The following NLGN1 variants were observed in gnomAD, a reference collection of about 807,000 sequenced individuals.
The protein encoded by NLGN1 is neuroligin-1.
NLGN1 carries 12 observed loss-of-function variants against 65.5 expected under a neutral mutation model. That is an observed-to-expected ratio of 0.18 (90% confidence interval 0.12 to 0.30). The LOEUF is 0.30. NLGN1 is among the 10% of genes least tolerant of loss of function. The pLI is 1.00. For missense variants in NLGN1, 750 were observed against 1,007.1 expected, an observed-to-expected ratio of 0.74 and a Z score of 3.46; for synonymous variants, 350 against 359.5, an observed-to-expected ratio of 0.97 and a Z score of 0.30.
chr3:173,418,311 CTGT>C (rs1292940690), intron 1 of NLGN1, among the ~76,000 whole-genome samples: 1 of 148,870 alleles, frequency 6.7e-6, no homozygotes, highest in Non-Finnish European at 1.5e-5. Context: ...TTTCTTTTTT[CTGT>C]TAACTATGAA....
intron 2 of NLGN1, among the ~76,000 whole-genome samples, chr3:173,568,395 G>GT (rs1171060135): frequency 1.3e-5 from 2 of 151,766 alleles, no homozygotes; most frequent in Non-Finnish European, 2.9e-5. Flanking sequence ...CACCAGGCCT[G>GT]GCTAATTTTT....
chr3:174,227,506 A>G (rs1035359175), intron 4 of NLGN1, among the ~76,000 whole-genome samples: 8 of 152,108 alleles, frequency 5.3e-5, no homozygotes, highest in Non-Finnish European at 2.9e-5. Flanking sequence ...CCAAATAGCC[A>G]TGTCACTTAG....
At chr3:173,887,931 A>G (rs2150961118) in intron 4 of NLGN1, among the ~76,000 whole-genome samples, 1 of 152,158 alleles carries the variant, frequency 6.6e-6, no homozygotes, top group Admixed American at 6.6e-5. Flanking sequence ...TTCAAGAAAT[A>G]AAATTATAAA....
At chr3:174,011,268 T>C (rs1579749599) in intron 4 of NLGN1, among the ~76,000 whole-genome samples, 1 of 152,160 alleles carries the variant, frequency 6.6e-6, no homozygotes, top group East Asian at 1.9e-4. Flanking sequence ...ATTGGAGTAA[T>C]AAATTGGCTT....
rs1726383335 is a variant in NLGN1, at chr3:174,160,940, C to G, written c.647-114375C>G. ...CCTCCTGCCCTCAACCCCTCTACTACTCTGCCCAGCCTCTGATAACCATCC... is the reference window on the plus strand; with the variant it reads ...CCTCCTGCCCTCAACCCCTCTACTAGTCTGCCCAGCCTCTGATAACCATCC... On this transcript the variant is annotated intron_variant, in intron 4 of 6. Coordinates refer to ENST00000457714, the Ensembl canonical transcript of NLGN1. Among the ~76,000 whole-genome samples the G allele has an allele frequency of 2.0e-5, 3 of 151,664 alleles. No homozygotes were observed. The South Asian group carries it at 6.2e-4, about 31-fold the overall frequency.
intron 4 of NLGN1, among the ~76,000 whole-genome samples, chr3:174,015,233 C>T (rs188585344): frequency 4.6e-5 from 7 of 152,228 alleles, no homozygotes; most frequent in East Asian, 1.9e-4. Flanking sequence ...GTGCTATGTT[C>T]CTTGGTCAGT....
chr3:174,124,656 T>C (rs1488160407), intron 4 of NLGN1, among the ~76,000 whole-genome samples: 1 of 147,752 alleles, frequency 6.8e-6, no homozygotes, highest in Non-Finnish European at 1.5e-5. Flanking sequence ...TACATACTTA[T>C]ATATATGTAT....
chr3:173,633,221 T>C (rs1273123896), intron 3 of NLGN1, among the ~76,000 whole-genome samples: 1 of 152,158 alleles, frequency 6.6e-6, no homozygotes, highest in South Asian at 2.1e-4. Flanking sequence ...TATTTCACCA[T>C]CTTTCTGAAC....
chr3:173,729,989 T>C (rs1560252342), intron 3 of NLGN1, among the ~76,000 whole-genome samples: 1 of 152,044 alleles, frequency 6.6e-6, no homozygotes, highest in Non-Finnish European at 1.5e-5. Flanking sequence ...TTTTGCCCTC[T>C]ATCTCTGACT....
At chr3:173,733,686 A>G (rs1354227176) in intron 3 of NLGN1, among the ~76,000 whole-genome samples, 1 of 151,984 alleles carries the variant, frequency 6.6e-6, no homozygotes. Context: ...CTGTATATAA[A>G]CCATTTTTGC....
At chr3:173,665,369 G>A (rs1004409390) in intron 3 of NLGN1, among the ~76,000 whole-genome samples, 3 of 152,016 alleles carry the variant, frequency 2.0e-5, no homozygotes, top group African/African-American at 7.2e-5. Context: ...GTTTCCTGAG[G>A]CCTCCCAGCC....
intron 2 of NLGN1, among the ~76,000 whole-genome samples, chr3:173,496,344 T>C (rs1483971592): frequency 2.6e-5 from 4 of 151,864 alleles, no homozygotes; most frequent in Non-Finnish European, 5.9e-5. Context: ...GAAGGTTAGA[T>C]TACTAAATAT....
chr3:173,793,446 A>G (rs1374153036), intron 3 of NLGN1, among the ~76,000 whole-genome samples: 2 of 152,126 alleles, frequency 1.3e-5, no homozygotes, highest in Non-Finnish European at 2.9e-5. Flanking sequence ...TGGGCTTTGA[A>G]GGTGGAGATG....
intron 4 of NLGN1, among the ~76,000 whole-genome samples, chr3:174,131,637 A>G (rs1267079930): frequency 6.6e-6 from 1 of 152,230 alleles, no homozygotes; most frequent in Admixed American, 6.5e-5. Flanking sequence ...GTGTGATTAT[A>G]TATGTCTGTT....
intron 3 of NLGN1, among the ~76,000 whole-genome samples, chr3:173,657,530 G>T (rs1760246408): frequency 6.6e-6 from 1 of 151,810 alleles, no homozygotes. Context: ...AAGGGGCACT[G>T]GGCAGTGGGG....
At chr3:174,242,646 T>C (rs961879) in intron 4 of NLGN1, among the ~76,000 whole-genome samples, 51,025 of 151,742 alleles carry the variant, frequency 0.34, 9,238 homozygotes, top group East Asian at 0.58. Context: ...CTCCCATCTC[T>C]GCCAGATAGA....
At chr3:173,521,914 C>T (rs979055447) in intron 2 of NLGN1, among the ~76,000 whole-genome samples, 2 of 152,150 alleles carry the variant, frequency 1.3e-5, no homozygotes, top group Non-Finnish European at 2.9e-5. Context: ...TTTTTCAATA[C>T]ATTCTATGCA....
chr3:174,049,719 C>T (rs1209452858), intron 4 of NLGN1, among the ~76,000 whole-genome samples: 1 of 152,004 alleles, frequency 6.6e-6, no homozygotes, highest in African/African-American at 2.4e-5. Flanking sequence ...TGCTTTAATT[C>T]TTTGGAACTG....
At chr3:173,437,316 T>G (rs1343270132) in intron 2 of NLGN1, among the ~76,000 whole-genome samples, 1 of 152,206 alleles carries the variant, frequency 6.6e-6, no homozygotes, top group Non-Finnish European at 1.5e-5. Flanking sequence ...CCATAACTAC[T>G]GCTTTCTGAG....
Sources: allele counts gnomAD v4.1 joint callset (sites outside exome capture counted in the v4.1 genomes callset), GRCh38; gene constraint gnomAD v4.1.1; transcripts MANE v1.5; gene names NCBI Gene and HGNC (gene_info 2026-07-23, HGNC 2026-07-21).